The following CORO2B variants were observed in gnomAD, a reference collection of about 807,000 sequenced individuals.
CORO2B encodes coronin 2B.
A neutral mutation model predicts 58.8 loss-of-function variants in CORO2B; 26 were observed. That is an observed-to-expected ratio of 0.44 (90% confidence interval 0.32 to 0.61). CORO2B has a LOEUF of 0.61. Ranked by LOEUF, CORO2B falls within the 20% of genes least tolerant of loss-of-function variation. CORO2B has a pLI of 0.04. For missense variants in CORO2B, 460 were observed against 645.1 expected (o/e 0.71, Z 3.11); for synonymous variants, 242 against 253.8 (o/e 0.95, Z 0.44).
At chr15:68,544,574 C>G in the CORO2B span, among the ~76,000 whole-genome samples, 1 of 152,162 alleles carries the variant, frequency 6.6e-6, no homozygotes, top group Non-Finnish European at 1.5e-5. Flanking sequence ...AACTTACCAC[C>G]AGGAGGCAGG....
chr15:68,608,305 G>T (rs921733861), intron 1 of CORO2B, among the ~76,000 whole-genome samples: 5 of 152,206 alleles, frequency 3.3e-5, no homozygotes, highest in African/African-American at 4.8e-5. Context: ...GCCCAGACCC[G>T]AACATTGGTG....
upstream of CORO2B, among the ~76,000 whole-genome samples, chr15:68,575,489 C>T (rs1472266186): frequency 8.7e-5 from 13 of 149,096 alleles, no homozygotes; most frequent in African/African-American, 2.7e-4. Flanking sequence ...TGCCCACCAC[C>T]GCGTCTGGCT....
At chr15:68,643,904 G>C (rs1032203191) in intron 1 of CORO2B, among the ~76,000 whole-genome samples, 6 of 152,108 alleles carry the variant, frequency 3.9e-5, no homozygotes, top group African/African-American at 1.4e-4. Context: ...GGGCGTGGTG[G>C]TGGGCCCCTG....
intron 1 of CORO2B, among the ~76,000 whole-genome samples, chr15:68,610,725 G>A (rs1316809461): frequency 1.3e-5 from 2 of 152,074 alleles, no homozygotes; most frequent in Admixed American, 1.3e-4. Flanking sequence ...AGGGTACTCT[G>A]AGGCCCAGTC....
chr15:68,655,629 CG>C (rs1365652815), intron 2 of CORO2B, among the ~76,000 whole-genome samples: 1 of 152,122 alleles, frequency 6.6e-6, no homozygotes, highest in African/African-American at 2.4e-5. Flanking sequence ...CCTAAGGTGT[CG>C]ATGATAACAA....
chr15:68,720,932 C>CT (rs1893145525), intron 11 of CORO2B, among the ~76,000 whole-genome samples: 3 of 152,164 alleles, frequency 2.0e-5, no homozygotes, highest in Non-Finnish European at 4.4e-5. Context: ...TGTTGCCCAG[C>CT]CTGGAGCTCA....
chr15:68,661,109 C>T (rs184973404), intron 2 of CORO2B, among the ~76,000 whole-genome samples: 3 of 152,042 alleles, frequency 2.0e-5, no homozygotes, highest in African/African-American at 4.8e-5. Context: ...TCCCCAGTGG[C>T]TGGGATTACA....
At chr15:68,584,017 C>A (rs1899495180) in intron 1 of CORO2B, among the ~76,000 whole-genome samples, 1 of 152,238 alleles carries the variant, frequency 6.6e-6, no homozygotes, top group Admixed American at 6.5e-5. Flanking sequence ...ATTTAGCCAG[C>A]ACCCTCTGAG....
At chr15:68,570,314 A>C in the CORO2B span, among the ~76,000 whole-genome samples, 2 of 152,200 alleles carry the variant, frequency 1.3e-5, no homozygotes, top group South Asian at 4.1e-4. Context: ...GCATGTAAAC[A>C]CAGCAGTTGT....
chr15:68,674,429 C>T (rs2140297835), intron 2 of CORO2B, among the ~76,000 whole-genome samples: 1 of 152,328 alleles, frequency 6.6e-6, no homozygotes. Flanking sequence ...GATTGTGTGC[C>T]CTGGGTCTTC....
chr15:68,719,140 G>A lies in CORO2B; in HGVS notation c.1081-4G>A. ...TGTCCTCTCTTCTGCTCCTCCCACTGTAGTCAGATTCCTACCAGGAAGACA... is the reference window on the plus strand; with the variant it reads ...TGTCCTCTCTTCTGCTCCTCCCACTATAGTCAGATTCCTACCAGGAAGACA... On this transcript the variant is annotated splice_region_variant and splice_polypyrimidine_tract_variant and intron_variant, in intron 9 of 11. Transcript: ENST00000261861. The A allele has an allele frequency of 6.2e-7, 1 of 1,612,552 alleles. No homozygotes were observed. Among genetic ancestry groups the A allele is most frequent in the Non-Finnish European group, 8.5e-7 (1 of 1,178,630 alleles).
At chr15:68,543,743 C>T in the CORO2B span, among the ~76,000 whole-genome samples, 6 of 152,256 alleles carry the variant, frequency 3.9e-5, no homozygotes, top group South Asian at 8.3e-4. Flanking sequence ...CAGTCCTCCC[C>T]CAACACAGCT....
chr15:68,699,083 C>T (rs762560637), intron 3 of CORO2B, among the ~76,000 whole-genome samples: 2 of 152,192 alleles, frequency 1.3e-5, no homozygotes, highest in East Asian at 1.9e-4. Flanking sequence ...CCAGTATATC[C>T]GGTGTGCTTG....
chr15:68,645,302 T>C lies in CORO2B; in HGVS notation c.158T>C (p.Leu53Pro). 1 of 1,613,982 alleles carries C rather than the reference T, an allele frequency of 6.2e-7. No individual in the cohort carries two copies. Among genetic ancestry groups the C allele is most frequent in the South Asian group, 1.1e-5 (1 of 91,080 alleles). The stretch of plus-strand genomic sequence containing the variant: ...TTCTGTGCCGTCAACACCCGCTTCC[T>C]GGCCATCGTCACCGAGAGCGCAGGG... ...NHFCAVNTRFLAIVTESAGGG... is the reference protein window; with the variant it reads ...NHFCAVNTRFPAIVTESAGGG... The change falls in exon 2 of 12, where the codon CTG becomes CCG. Residue 53 changes from leucine (L) to proline (P), a missense_variant. Around this residue, in one of 2 missense-constraint regions of CORO2B, gnomAD observed 352 missense variants for 543.0 expected, o/e 0.65. Coordinates refer to ENST00000261861, the MANE Select transcript of CORO2B (RefSeq NM_006091.5). This position sits in a 1 kb window ranked among gnomAD's most constrained non-coding sequence, Gnocchi z 4.5.
chr15:68,534,783 A>G, the CORO2B span, among the ~76,000 whole-genome samples: 3 of 152,180 alleles, frequency 2.0e-5, no homozygotes, highest in Non-Finnish European at 4.4e-5. Context: ...GTAATTTATA[A>G]AGAAAAAGAG....
intron 2 of CORO2B, among the ~76,000 whole-genome samples, chr15:68,667,505 G>T (rs1393398589): frequency 6.6e-6 from 1 of 152,254 alleles, no homozygotes; most frequent in African/African-American, 2.4e-5. Flanking sequence ...ACTGGACAGG[G>T]ATCTTTTCGG....
At chr15:68,573,319 CAG>C in the CORO2B span, among the ~76,000 whole-genome samples, 2 of 152,010 alleles carry the variant, frequency 1.3e-5, no homozygotes, top group African/African-American at 4.8e-5. Flanking sequence ...GAGACGTCCA[CAG>C]AGACAGGAGA....
chr15:68,597,337 G>C (rs573614118), intron 1 of CORO2B, among the ~76,000 whole-genome samples: 2 of 152,110 alleles, frequency 1.3e-5, no homozygotes, highest in Admixed American at 1.3e-4. Context: ...CTTATTCAGC[G>C]CTTACCATGT....
chr15:68,579,702 G>A (rs935361761), intron 1 of CORO2B, among the ~76,000 whole-genome samples: 2 of 152,214 alleles, frequency 1.3e-5, no homozygotes, highest in Non-Finnish European at 2.9e-5. Context: ...GGCCAGCGGA[G>A]GGGAAACCCC....
Sources: allele counts gnomAD v4.1 joint callset (sites outside exome capture counted in the v4.1 genomes callset), GRCh38; gene constraint gnomAD v4.1.1; regional missense constraint gnomAD v4.1.1; non-coding constraint Gnocchi (gnomAD v3.1); transcripts MANE v1.5; gene names NCBI Gene and HGNC (gene_info 2026-07-23, HGNC 2026-07-21).